Variants in MAOA observed in about 807,000 individuals in gnomAD.
The protein encoded by MAOA is monoamine oxidase A, also known as amine oxidase [flavin-containing] A.
Under a neutral mutation model 42.0 loss-of-function variants are expected in MAOA, and 6 were observed. The observed-to-expected ratio is 0.14, with a 90% CI of 0.08 to 0.28. The LOEUF is 0.28. Ranked by LOEUF, MAOA falls within the 10% of genes least tolerant of loss-of-function variation. The pLI is 1.00. For missense variants in MAOA, 262 were observed against 422.3 expected (o/e 0.62, Z 3.33); for synonymous variants, 140 against 154.0 (o/e 0.91, Z 0.67).
intron 3 of MAOA, 129 bp downstream of exon 3, chrX:43,693,557 T>C: frequency 1.4e-6 from 1 of 719,453 alleles, no homozygotes; most frequent in Non-Finnish European, 2.1e-6. Flanking sequence ...AAGTAGTATT[T>C]GCCTTTCTTT....
chrX:43,661,842 CCTCT>C, intron 1 of MAOA, among the ~76,000 whole-genome samples: 1 of 111,483 alleles, frequency 9.0e-6, no homozygotes, highest in Non-Finnish European at 1.9e-5. Flanking sequence ...CAATAGAACT[CCTCT>C]CTATTTTTGT....
chrX:43,661,512 C>T (rs1403352251), intron 1 of MAOA, among the ~76,000 whole-genome samples: 8 of 111,251 alleles, frequency 7.2e-5, no homozygotes, highest in Non-Finnish European at 1.5e-4. Flanking sequence ...AACACAGATA[C>T]AGTCATGAGG....
At chrX:43,743,731 T>C in intron 12 of MAOA, 63 bp from the exon 13 acceptor site, 1 of 1,105,176 alleles carries the variant, frequency 9.0e-7, no homozygotes, top group East Asian at 3.3e-5. Context: ...AGGGCAGTGA[T>C]TGGCTCATTT....
intron 1 of MAOA, among the ~76,000 whole-genome samples, chrX:43,664,864 A>G (rs2033263044): frequency 8.9e-6 from 1 of 111,816 alleles, no homozygotes; most frequent in Non-Finnish European, 1.9e-5. Context: ...TTGATATTTG[A>G]CTATACTTTT....
At position 43,731,383 on chromosome X, in the gene MAOA, A is replaced by C. The variant is rs377554403; in HGVS notation, c.788A>C (p.His263Pro). Residue 263 changes from histidine (H) to proline (P), a missense_variant, in exon 7 of 15, where the codon CAT (histidine) becomes CCT (proline). Transcript: ENST00000338702. ...NIIIETLNHE[H>P]YECKYVINAI... ...ATCATAGAGACGCTGAACCATGAAC[A>C]TTATGAGGTAACTCAGTTTAGTCAA... is the stretch of plus-strand genomic sequence containing the variant. The C allele has an allele frequency of 3.3e-6, 4 of 1,207,926 alleles. No homozygotes were observed. The African/African-American group carries it at 7.0e-5, about 21-fold the overall frequency.
intron 5 of MAOA, among the ~76,000 whole-genome samples, chrX:43,725,024 C>T (rs912158247): frequency 1.8e-5 from 2 of 111,992 alleles, no homozygotes; most frequent in Non-Finnish European, 3.8e-5. Flanking sequence ...TTTGATTGCA[C>T]TGTGGTCTGA....
chrX:43,683,955 CAG>C (rs779654062), intron 2 of MAOA, among the ~76,000 whole-genome samples: 894 of 56,724 alleles, frequency 0.016, 8 homozygotes, highest in African/African-American at 0.055. Context: ...GCAATACACA[CAG>C]ACACACACAC....
chrX:43,680,735 A>G (rs2033436017), intron 1 of MAOA, among the ~76,000 whole-genome samples: 1 of 111,454 alleles, frequency 9.0e-6, no homozygotes, highest in South Asian at 3.7e-4. Context: ...TGACATTTGA[A>G]TTATTTCTGT....
chrX:43,678,547 C>A (rs767608287), intron 1 of MAOA, among the ~76,000 whole-genome samples: 2 of 111,751 alleles, frequency 1.8e-5, no homozygotes, highest in African/African-American at 6.5e-5. Context: ...ATAAATATTT[C>A]GAAAGATTAG....
At chrX:43,676,576 C>T (rs1313302044) in intron 1 of MAOA, among the ~76,000 whole-genome samples, 1 of 111,614 alleles carries the variant, frequency 9.0e-6, no homozygotes, top group Non-Finnish European at 1.9e-5. Context: ...TGTTCCTATT[C>T]GGCCATCTTG....
At chrX:43,684,874 C>CTTTTTTTTTTTTTTTTTTTTTT (rs201207592) in intron 2 of MAOA, among the ~76,000 whole-genome samples, 2 of 59,635 alleles carry the variant, frequency 3.4e-5, no homozygotes, top group African/African-American at 5.8e-5. Flanking sequence ...CTTTTCTTTT[C>CTTTTTTTTTTTTTTTTTTTTTT]TTTTTTTTTT....
chrX:43,657,620 C>A (rs866065794), intron 1 of MAOA, among the ~76,000 whole-genome samples: 1 of 111,339 alleles, frequency 9.0e-6, no homozygotes, highest in Admixed American at 9.5e-5. Context: ...AATTTTGTTG[C>A]CTTTCATCCC....
chrX:43,712,618 C>A lies in MAOA; in HGVS notation c.412-87C>A, dbSNP rs2033707949. On this transcript the variant is annotated intron_variant, in intron 4 of 14. Transcript: ENST00000338702. The stretch of plus-strand genomic sequence containing the variant: ...ACATTTCAACACAGAGACCAAGAGA[C>A]CCATTTTCAGAGGTTTTCATGAGGG... 24 of 586,956 alleles carry A rather than the reference C, an allele frequency of 4.1e-5. No individual in the cohort carries two copies. The South Asian group carries it at 5.2e-4, about 13-fold the overall frequency. The allele number at this position is 586,956 out of a possible 1,213,427, so 48.4% of individuals were successfully genotyped here. A position where few individuals can be genotyped will look rare whatever the true frequency, so the allele number is the denominator to read the frequency against.
chrX:43,710,531 C>T (rs1427724497), intron 3 of MAOA, among the ~76,000 whole-genome samples: 2 of 112,242 alleles, frequency 1.8e-5, no homozygotes, highest in African/African-American at 6.5e-5. Context: ...GCAGTGCATG[C>T]AGTAGACTTT....
At chrX:43,659,161 C>A (rs1414199373) in intron 1 of MAOA, among the ~76,000 whole-genome samples, 1 of 111,887 alleles carries the variant, frequency 8.9e-6, no homozygotes, top group Admixed American at 9.5e-5. Flanking sequence ...AAATAACTCT[C>A]TACACAGAGA....
chrX:43,700,934 A>G (rs1181965398), intron 3 of MAOA, among the ~76,000 whole-genome samples: 2 of 111,969 alleles, frequency 1.8e-5, no homozygotes, highest in African/African-American at 6.5e-5. Flanking sequence ...AGGTAAGGAT[A>G]GGCAAGTAGT....
At chrX:43,669,418 G>A (rs1030561992) in intron 1 of MAOA, among the ~76,000 whole-genome samples, 7 of 110,100 alleles carry the variant, frequency 6.4e-5, no homozygotes, top group Non-Finnish European at 1.3e-4. Flanking sequence ...ACTCCATCTC[G>A]AAAAAAATAA....
Position 43,723,041 on chromosome X carries a change from C to CTA in MAOA, c.504-5124_504-5123dup, listed in dbSNP as rs745474890. On this transcript the variant is annotated intron_variant, in intron 5 of 14. Coordinates refer to ENST00000338702, the MANE Select transcript of MAOA (RefSeq NM_000240.4). ...GAGGCCTCTGTTCTGTTCCATTGGT[C>CTA]TATATATATCTGTTTTGGTACCAGT... 1.6e-3 allele frequency among the ~76,000 whole-genome samples: 178 copies of CTA among 110,947 alleles called. 1 individual carries two copies. The highest frequency in any genetic ancestry group is 5.8e-3 in the African/African-American group (176 of 30,468).
intron 1 of MAOA, among the ~76,000 whole-genome samples, chrX:43,677,624 G>A (rs935906451): frequency 2.7e-5 from 3 of 111,709 alleles, no homozygotes; most frequent in Non-Finnish European, 3.8e-5. Flanking sequence ...TCATCATCCC[G>A]ATTTAGAATA....
Sources: allele counts gnomAD v4.1 joint callset (sites outside exome capture counted in the v4.1 genomes callset), GRCh38; gene constraint gnomAD v4.1.1; transcripts MANE v1.5; gene names NCBI Gene and HGNC (gene_info 2026-07-23, HGNC 2026-07-21).